TCF20: variants seen among roughly 807,000 people sequenced by gnomAD.
TCF20 encodes the protein transcription factor 20, also known as SPRE-binding protein.
A neutral mutation model predicts 148.6 loss-of-function variants in TCF20; 3 were observed. That is an observed-to-expected ratio of 0.02 (90% CI 0.01 to 0.05). TCF20 has a LOEUF of 0.05. Among genes scored for constraint, TCF20 ranks in the 10% least tolerant of loss-of-function variants. The pLI, the probability that TCF20 is intolerant of heterozygous loss-of-function variation, is 1.00. For synonymous variants in TCF20, 1,049 were observed against 909.5 expected (o/e 1.15, Z -2.76); for missense variants, 2,350 against 2,429.3 (o/e 0.97, Z 0.69).
At chr22:42,240,031 T>C (rs1924256488) in intron 1 of TCF20, among the ~76,000 whole-genome samples, 1 of 152,200 alleles carries the variant, frequency 6.6e-6, no homozygotes, top group Non-Finnish European at 1.5e-5. Flanking sequence ...TTCCAAAGCT[T>C]CTAGGTGGTA....
At chr22:42,339,524 G>C (rs1226982140) in intron 1 of TCF20, among the ~76,000 whole-genome samples, 2 of 152,378 alleles carry the variant, frequency 1.3e-5, no homozygotes, top group African/African-American at 4.8e-5. Flanking sequence ...CAAGTGAGGA[G>C]TTGGGGCAGC....
intron 2 of TCF20, among the ~76,000 whole-genome samples, chr22:42,205,824 T>A (rs1454517922): frequency 1.3e-5 from 2 of 152,294 alleles, no homozygotes; most frequent in African/African-American, 4.8e-5. Flanking sequence ...CAGGCTAGAG[T>A]GCAGTGGCAC....
At chr22:42,229,983 T>A (rs1357469017) in intron 1 of TCF20, among the ~76,000 whole-genome samples, 1 of 152,264 alleles carries the variant, frequency 6.6e-6, no homozygotes, top group Non-Finnish European at 1.5e-5. Context: ...CTTGTTGCTC[T>A]GCTACTAGAC....
chr22:42,316,716 G>A (rs577605603), intron 1 of TCF20, among the ~76,000 whole-genome samples: 7 of 152,248 alleles, frequency 4.6e-5, no homozygotes, highest in African/African-American at 1.4e-4. Context: ...GATTACACGC[G>A]TGAGCCACTG....
At chr22:42,294,080 T>A (rs1301104100) in intron 1 of TCF20, among the ~76,000 whole-genome samples, 1 of 152,106 alleles carries the variant, frequency 6.6e-6, no homozygotes, top group Non-Finnish European at 1.5e-5. Context: ...GATAGAGCCC[T>A]AGGACAGGAG....
intron 1 of TCF20, among the ~76,000 whole-genome samples, chr22:42,304,247 C>T (rs1927393674): frequency 6.6e-6 from 1 of 152,212 alleles, no homozygotes; most frequent in South Asian, 2.1e-4. Context: ...GCTGCCCGTT[C>T]CACGGAAAAG....
chr22:42,210,769 C>T lies in TCF20; in HGVS notation c.4537G>A (p.Glu1513Lys). The T allele has an allele frequency of 6.2e-7, 1 of 1,614,220 alleles. No homozygotes were observed. The highest frequency in any genetic ancestry group is 8.5e-7 in the Non-Finnish European group (1 of 1,180,044). Residue 1513 changes from glutamate to lysine, a missense_variant, in exon 2 of 6, where the codon GAG (glutamate) becomes AAG (lysine). Physicochemically the swap from Glu to Lys is moderately conservative, Grantham distance 56 (BLOSUM62 1). Around this residue, in one of 7 missense-constraint regions of TCF20, gnomAD observed 231 missense variants for 213.7 expected, o/e 1.08. Coordinates refer to ENST00000677622, the MANE Select transcript of TCF20 (RefSeq NM_001378418.1). This position sits in a 1 kb window ranked among gnomAD's most constrained non-coding sequence, Gnocchi z 4.7. ...ATCGTCACTGTATCGTTCTCCTTCT[C>T]TTCAGCCTTGGGGTTTGCCTCAGGG... ...LAPEANPKAE[E>K]KENDTVTISP...
At chr22:42,332,469 G>A (rs1406944678) in intron 1 of TCF20, among the ~76,000 whole-genome samples, 2 of 152,118 alleles carry the variant, frequency 1.3e-5, no homozygotes, top group Non-Finnish European at 2.9e-5. Context: ...AGAGTGAGCG[G>A]GAGAGTTCAA....
At chr22:42,273,392 A>C (rs1424145333), upstream of TCF20, among the ~76,000 whole-genome samples, 1 of 144,414 alleles carries the variant, frequency 6.9e-6, no homozygotes, top group African/African-American at 2.5e-5. Flanking sequence ...AAAAAAATTC[A>C]GTGCAGTACC....
chr22:42,316,928 G>C lies in TCF20; in HGVS notation c.-37+26551C>G, dbSNP rs528390310. 9.2e-5 allele frequency among the ~76,000 whole-genome samples: 14 copies of C among 152,278 alleles called. No individual in the cohort carries two copies. The South Asian group carries it at 1.7e-3, about 18-fold the overall frequency. On this transcript the variant is annotated intron_variant, in intron 1 of 1. Coordinates refer to the TCF20 transcript ENST00000515426. ...CAGCCAAGCGTCGCCCTTTCCCCAA[G>C]TGCCAGGCGTCTTTTCCCGTCTGTG...
chr22:42,166,814 C>T (rs1935816633), intron 5 of TCF20, among the ~76,000 whole-genome samples: 1 of 152,136 alleles, frequency 6.6e-6, no homozygotes, highest in South Asian at 2.1e-4. Context: ...TCTTCTAGGA[C>T]ACATTCCAGG....
chr22:42,314,366 G>A (rs895153489), intron 1 of TCF20, among the ~76,000 whole-genome samples: 1 of 152,264 alleles, frequency 6.6e-6, no homozygotes, highest in Non-Finnish European at 1.5e-5. Flanking sequence ...CCAGAGCGCC[G>A]ATGGGCTCTC....
chr22:42,169,700 C>T (rs1015197095), intron 4 of TCF20, 147 bp downstream of exon 4: 6 of 742,492 alleles, frequency 8.1e-6, no homozygotes, highest in African/African-American at 7.0e-5. Context: ...CCCCTCCACC[C>T]TCCCAGGGCC....
chr22:42,269,544 G>A (rs1184851260), intron 1 of TCF20, among the ~76,000 whole-genome samples: 1 of 152,174 alleles, frequency 6.6e-6, no homozygotes, highest in Admixed American at 6.5e-5. Context: ...GAGAGGGATC[G>A]GCCCGATTGG....
chr22:42,189,753 A>G (rs575355906), intron 2 of TCF20, among the ~76,000 whole-genome samples: 3 of 152,360 alleles, frequency 2.0e-5, no homozygotes, highest in Non-Finnish European at 2.9e-5. Flanking sequence ...AGAGGACAAC[A>G]ACGACAAATC....
At chr22:42,331,674 G>C (rs954317930) in intron 1 of TCF20, among the ~76,000 whole-genome samples, 12 of 152,268 alleles carry the variant, frequency 7.9e-5, no homozygotes, top group Admixed American at 2.0e-4. Context: ...CAGCCTGGGG[G>C]CTCTGATGGT....
At chr22:42,243,310 A>ACAAAAAACAAAAAAAAAAAAAAAAAAC in intron 1 of TCF20, among the ~76,000 whole-genome samples, 1 of 140,954 alleles carries the variant, frequency 7.1e-6, no homozygotes, top group African/African-American at 3.0e-5. Flanking sequence ...AAAAAAAAAA[A>ACAAAAAACAAAAAAAAAAAAAAAAAAC]AAAAAAAAAA....
intron 2 of TCF20, among the ~76,000 whole-genome samples, chr22:42,186,450 T>C (rs1937051158): frequency 6.6e-6 from 1 of 152,264 alleles, no homozygotes; most frequent in Non-Finnish European, 1.5e-5. Flanking sequence ...CATTCATCTC[T>C]GTCATACTTT....
At chr22:42,271,154 G>A (rs1454704738), upstream of TCF20, among the ~76,000 whole-genome samples, 2 of 152,196 alleles carry the variant, frequency 1.3e-5, no homozygotes, top group Non-Finnish European at 2.9e-5. Flanking sequence ...TCTGGGCCGG[G>A]GGCAGCCCAA....
Sources: allele counts gnomAD v4.1 joint callset (sites outside exome capture counted in the v4.1 genomes callset), GRCh38; gene constraint gnomAD v4.1.1; regional missense constraint gnomAD v4.1.1; non-coding constraint Gnocchi (gnomAD v3.1); transcripts MANE v1.5; gene names NCBI Gene and HGNC (gene_info 2026-07-23, HGNC 2026-07-21).